The following LRRC7 variants were observed in gnomAD, a reference collection of about 807,000 sequenced individuals.
The protein encoded by LRRC7 is leucine-rich repeat-containing protein 7.
A neutral mutation model predicts 175.7 loss-of-function variants in LRRC7; 23 were observed. The ratio of observed to expected loss-of-function variants is 0.13; its 90% CI spans 0.09 to 0.19. The LOEUF (loss-of-function observed/expected upper bound fraction) is 0.19, where lower values mean the gene tolerates loss of function less well. Ranked by LOEUF, LRRC7 falls within the 10% of genes least tolerant of loss-of-function variation. The pLI, the probability that LRRC7 is intolerant of heterozygous loss-of-function variation, is 1.00. For synonymous variants in LRRC7, 685 were observed against 680.9 expected (o/e 1.01, Z -0.09); for missense variants, 1,354 against 1,904.7 (o/e 0.71, Z 5.38).
chr1:69,704,093 A>G (rs1250733297), intron 2 of LRRC7, among the ~76,000 whole-genome samples: 2 of 152,022 alleles, frequency 1.3e-5, no homozygotes, highest in Non-Finnish European at 2.9e-5. Context: ...TCCAGGAACC[A>G]CAAATATACA....
chr1:69,848,844 T>A (rs1446749816), intron 7 of LRRC7, among the ~76,000 whole-genome samples: 1 of 152,110 alleles, frequency 6.6e-6, no homozygotes, highest in Non-Finnish European at 1.5e-5. Context: ...CATAAGAAAT[T>A]AACTTCATGA....
rs1363869888 is a variant in LRRC7, at chr1:70,143,441, A to AAAC, written c.*21556_*21558dup. 6.6e-6 allele frequency: 1 copy of AAAC among 152,160 alleles called. No homozygotes were observed. The highest frequency in any genetic ancestry group is 1.5e-5 in the Non-Finnish European group (1 of 68,014). The allele number at this position is 152,160 out of a possible 1,614,324, so 9.4% of individuals were successfully genotyped here. ...TGTGAACCTTTTAATGTGCAATAGT[A>AAAC]AACATTGACATTTTACATAGACATA... On this transcript the variant is annotated 3_prime_UTR_variant, in exon 27 of 27. Coordinates refer to ENST00000651989, the MANE Select transcript of LRRC7 (RefSeq NM_001370785.2).
rs74613727 is a variant in LRRC7 at position 69,593,495 on chromosome 1, A to C, written c.2+24854A>C. Among the ~76,000 whole-genome samples the C allele has an allele frequency of 8.7e-4, 133 of 152,318 alleles. 4 individuals are homozygous for C. The East Asian group carries it at 0.02, about 23-fold the overall frequency. Reference sequence around the variant, plus strand: ...TATACTGACAGTTTAAGGTGTCAGCAAAAGATTTGGGTGTGTAAGATATAC... The same window carrying C: ...TATACTGACAGTTTAAGGTGTCAGCCAAAGATTTGGGTGTGTAAGATATAC... On this transcript the variant is annotated intron_variant, in intron 1 of 26. Coordinates refer to ENST00000651989, the MANE Select transcript of LRRC7 (RefSeq NM_001370785.2).
intron 7 of LRRC7, among the ~76,000 whole-genome samples, chr1:69,857,310 G>C (rs1683773172): frequency 6.6e-6 from 1 of 152,184 alleles, no homozygotes; most frequent in Non-Finnish European, 1.5e-5. Context: ...ATTAGGAAAA[G>C]AGGAAGTCAA....
chr1:70,001,157 AC>A (rs1184751011), intron 11 of LRRC7, among the ~76,000 whole-genome samples: 1 of 152,142 alleles, frequency 6.6e-6, no homozygotes, highest in African/African-American at 2.4e-5. Context: ...ATCCTAACCT[AC>A]TTTTGTTTTT....
chr1:70,092,646 G>T (rs1361674871), intron 25 of LRRC7, among the ~76,000 whole-genome samples: 1 of 152,072 alleles, frequency 6.6e-6, no homozygotes, highest in Non-Finnish European at 1.5e-5. Context: ...AGCCAGACAG[G>T]GAAAGACTGA....
chr1:69,791,294 G>A (rs1211977604), intron 3 of LRRC7, among the ~76,000 whole-genome samples: 1 of 151,980 alleles, frequency 6.6e-6, no homozygotes, highest in Non-Finnish European at 1.5e-5. Flanking sequence ...CGGTGTGCTT[G>A]TTAAAAATGC....
At chr1:69,892,699 C>T (rs1039245551) in intron 7 of LRRC7, among the ~76,000 whole-genome samples, 2 of 152,148 alleles carry the variant, frequency 1.3e-5, no homozygotes, top group Non-Finnish European at 2.9e-5. Context: ...TGTATTATTT[C>T]ACTGACCCTT....
chr1:69,811,732 G>A (rs947650786), intron 4 of LRRC7, among the ~76,000 whole-genome samples: 8 of 152,036 alleles, frequency 5.3e-5, no homozygotes, highest in African/African-American at 1.9e-4. Context: ...AGAACACATG[G>A]ACACAGGGAG....
chr1:69,947,778 A>G lies in LRRC7; in HGVS notation c.711+16208A>G, dbSNP rs149524535. On this transcript the variant is annotated intron_variant, in intron 8 of 26. Coordinates refer to ENST00000651989, the MANE Select transcript of LRRC7 (RefSeq NM_001370785.2). ...GGATAGTACCAAACCTATATATACT[A>G]TTTTTTTTACATATACATACCTATG... is the stretch of plus-strand genomic sequence containing the variant. Among the ~76,000 whole-genome samples the G allele has an allele frequency of 3.9e-3, 597 of 151,908 alleles. 3 individuals are homozygous for G. Among genetic ancestry groups the G allele is most frequent in the African/African-American group, 0.013 (552 of 41,450 alleles).
intron 7 of LRRC7, among the ~76,000 whole-genome samples, chr1:69,906,467 T>G (rs759257728): frequency 6.6e-6 from 1 of 152,248 alleles, no homozygotes; most frequent in Non-Finnish European, 1.5e-5. Flanking sequence ...CAGTTTCACC[T>G]TTCTACATAT....
chr1:70,078,792 A>ACGCGCGCG (rs141606062), intron 24 of LRRC7, among the ~76,000 whole-genome samples: 1 of 146,594 alleles, frequency 6.8e-6, no homozygotes, highest in African/African-American at 2.6e-5. Flanking sequence ...TTCTACATAT[A>ACGCGCGCG]CGCGCGCGCG....
chr1:69,798,427 A>T (rs1676059022), intron 4 of LRRC7, among the ~76,000 whole-genome samples: 2 of 152,172 alleles, frequency 1.3e-5, no homozygotes, highest in South Asian at 4.1e-4. Context: ...AAATTAAGTT[A>T]AGGGTCTCCC....
In LRRC7 at chr1:69,692,257, T is replaced by TTC. The variant is rs548405062; in HGVS notation, c.100+13782_100+13783dup. 2.8e-3 allele frequency among the ~76,000 whole-genome samples: 421 copies of TTC among 152,260 alleles called. 5 individuals are homozygous for TTC. The highest frequency in any genetic ancestry group is 1.3e-3 in the Non-Finnish European group (86 of 68,014). On this transcript the variant is annotated intron_variant, in intron 2 of 26. Transcript: ENST00000651989. The stretch of plus-strand genomic sequence containing the variant: ...AAGGTACTGGGCTACTTATGCCCAG[T>TTC]TCTCCTCCAGTATTTATTAACTGGG...
intron 2 of LRRC7, among the ~76,000 whole-genome samples, chr1:69,716,408 T>G (rs1570474044): frequency 1.3e-5 from 2 of 151,992 alleles, no homozygotes; most frequent in African/African-American, 4.8e-5. Flanking sequence ...GAAACTCATT[T>G]TCTGTCAGTA....
chr1:69,991,370 C>A (rs1198393074), intron 10 of LRRC7, among the ~76,000 whole-genome samples: 7 of 152,086 alleles, frequency 4.6e-5, no homozygotes, highest in Non-Finnish European at 8.8e-5. Flanking sequence ...ATATTTTACA[C>A]CTTCATTTAT....
intron 7 of LRRC7, among the ~76,000 whole-genome samples, chr1:69,924,367 G>C (rs1030036020): frequency 8.5e-5 from 13 of 152,106 alleles, no homozygotes; most frequent in African/African-American, 2.7e-4. Context: ...GATGGGGATG[G>C]CATTGAATCT....
At chr1:69,663,729 TTTTGA>T in intron 1 of LRRC7, among the ~76,000 whole-genome samples, 1 of 132,648 alleles carries the variant, frequency 7.5e-6, no homozygotes, top group African/African-American at 2.8e-5. Context: ...TTTTTTTTTT[TTTTGA>T]GACGGAGTCT....
In LRRC7 at chr1:69,752,197, G is replaced by T. The variant is rs553302499; in HGVS notation, c.101-7994G>T. Among the ~76,000 whole-genome samples the T allele has an allele frequency of 2.0e-5, 3 of 152,268 alleles. No homozygotes were observed. In the East Asian group the frequency reaches 5.8e-4, roughly 29 times the overall value. ...CTTGAGGGTAGGTAATGATTTTAAA[G>T]ATGTTCTTGAAGTAAGACATGGAAC... is the stretch of plus-strand genomic sequence containing the variant. On this transcript the variant is annotated intron_variant, in intron 2 of 26. Transcript: ENST00000651989.
Sources: gnomAD v4.1 joint callset for allele counts (sites outside exome capture counted in the v4.1 genomes callset) on GRCh38, gnomAD v4.1.1 for gene constraint, MANE v1.5 for transcripts, NCBI Gene and HGNC (gene_info 2026-07-23, HGNC 2026-07-21) for gene names.